Variants in RGMB observed in about 807,000 individuals in gnomAD.
RGMB encodes repulsive guidance molecule B.
A neutral mutation model predicts 26.9 loss-of-function variants in RGMB; 16 were observed. That is an observed-to-expected ratio of 0.60 (90% CI 0.40 to 0.90). The LOEUF (loss-of-function observed/expected upper bound fraction) is 0.90. Ranked by LOEUF, RGMB falls within the 40% of genes least tolerant of loss-of-function variation. RGMB has a pLI of 0.00. For synonymous variants in RGMB, 225 were observed against 229.3 expected (o/e 0.98, Z 0.17); for missense variants, 512 against 573.3 (o/e 0.89, Z 1.09).
rs1041475032 is a variant in RGMB at position 98,773,943 on chromosome 5, G to C, written c.-128G>C. ...GGTGGTGGCGCCCCATCTGCTACAC[G>C]GGCCTGAAGAAGGAAGAAGAGGAAG... On this transcript the variant is annotated 5_prime_UTR_variant, in exon 1 of 3. Coordinates refer to ENST00000513185, the MANE Select transcript of RGMB (RefSeq NM_001366508.1). 2.0e-5 allele frequency: 12 copies of C among 602,420 alleles called. No homozygotes were observed. Among genetic ancestry groups the C allele is most frequent in the East Asian group, 1.0e-4 (3 of 28,764 alleles). 37.3% of individuals were successfully genotyped at this position (602,420 alleles called of 1,614,324 possible).
chr5:98,780,064 A>T lies in RGMB; in HGVS notation c.621A>T (p.Gly207=), dbSNP rs745466294. 3.1e-6 allele frequency: 5 copies of T among 1,612,116 alleles called. No individual in the cohort carries two copies. Among genetic ancestry groups the T allele is most frequent in the Non-Finnish European group, 1.7e-6 (2 of 1,179,814 alleles). ...TGACAAACGTACCTGTGGTCCCTGG[A>T]TCCAGTGCTACTGCTACAAATAAGG... is the stretch of plus-strand genomic sequence containing the variant. ...VQVTNVPVVP[G]SSATATNKIT... is the part of the protein sequence containing the mutation. Residue 207 remains glycine, a synonymous_variant, in exon 2 of 3, where the codon GGA becomes GGT. Transcript: ENST00000513185.
At chr5:98,792,799 T>C (rs908810113) in intron 2 of RGMB, 4 of 216,946 alleles carry the variant, frequency 1.8e-5, no homozygotes, top group African/African-American at 2.3e-5. Flanking sequence ...AAAACCGATA[T>C]TCTGATAGCA....
intron 1 of RGMB, among the ~76,000 whole-genome samples, chr5:98,778,243 T>C (rs181759268): frequency 3.3e-5 from 5 of 152,336 alleles, no homozygotes; most frequent in African/African-American, 1.2e-4. Flanking sequence ...AATATTAGGC[T>C]AAATTTTAAG....
rs1365430545 is a variant in RGMB, at chr5:98,774,160, G to A, written c.90G>A (p.Leu30=). ...RRSPGLCPPP[L]ELLLLLLFSL... ...GCCCCGGGCTCTGCCCCCCGCCGCTGGAGCTGCTGCTGCTGCTGCTGTTCA... is the reference window on the plus strand; with the variant it reads ...GCCCCGGGCTCTGCCCCCCGCCGCTAGAGCTGCTGCTGCTGCTGCTGTTCA... Residue 30 remains leucine (L), a synonymous_variant, in exon 1 of 3, where the codon CTG becomes CTA. Coordinates refer to ENST00000513185, the MANE Select transcript of RGMB (RefSeq NM_001366508.1). 3 of 1,500,248 alleles carry A rather than the reference G, an allele frequency of 2.0e-6. No individual in the cohort carries two copies. The highest frequency in any genetic ancestry group is 2.9e-5 in the African/African-American group (2 of 68,922). 92.9% of individuals were successfully genotyped at this position (1,500,248 alleles called of 1,614,324 possible). A position where few individuals can be genotyped will look rare whatever the true frequency, so the allele number is the denominator to read the frequency against.
At chr5:98,772,724 C>A (rs900282243), upstream of RGMB, 1 of 152,134 alleles carries the variant, frequency 6.6e-6, no homozygotes, top group Admixed American at 6.5e-5. Context: ...CACTTTCGGA[C>A]CCATCCGATC....
upstream of RGMB, chr5:98,770,658 A>G: frequency 6.9e-7 from 1 of 1,456,492 alleles, no homozygotes; most frequent in Non-Finnish European, 9.1e-7. Flanking sequence ...CCAGGAGCGA[A>G]AGGGTTAAGA....
intron 1 of RGMB, among the ~76,000 whole-genome samples, chr5:98,775,686 C>T (rs1258848297): frequency 6.6e-6 from 1 of 152,112 alleles, no homozygotes; most frequent in Non-Finnish European, 1.5e-5. Flanking sequence ...TTTGCTAGCC[C>T]GTGAAAGGCA....
Position 98,773,722 on chromosome 5 carries a change from C to G in RGMB, c.-349C>G, listed in dbSNP as rs1191993043. ...AGGGCTGGGCCAGCCTCTTGGAGGT[C>G]CACGCCCGCCGAGCCCACGCTGGCT... On this transcript the variant is annotated 5_prime_UTR_variant, in exon 1 of 3. Coordinates refer to ENST00000513185, the MANE Select transcript of RGMB (RefSeq NM_001366508.1). The G allele has an allele frequency of 5.3e-6, 2 of 377,286 alleles. No individual in the cohort carries two copies. Among genetic ancestry groups the G allele is most frequent in the Admixed American group, 4.6e-5 (1 of 21,694 alleles). The allele number at this position is 377,286 out of a possible 1,614,324, so 23.4% of individuals were successfully genotyped here.
At chr5:98,774,431 C>A (rs768082796) in intron 1 of RGMB, among the ~76,000 whole-genome samples, 6 of 152,226 alleles carry the variant, frequency 3.9e-5, no homozygotes, top group Non-Finnish European at 8.8e-5. Context: ...TCCACCCTCC[C>A]CGCCTTCGGC....
At chr5:98,772,077 CTAA>C (rs1474280120), upstream of RGMB, among the ~76,000 whole-genome samples, 3 of 152,252 alleles carry the variant, frequency 2.0e-5, no homozygotes, top group Non-Finnish European at 2.9e-5. Flanking sequence ...AATTTTTGCT[CTAA>C]TAATACTTAG....
At chr5:98,792,706 C>T (rs901442701) in intron 2 of RGMB, among the ~76,000 whole-genome samples, 2 of 144,502 alleles carry the variant, frequency 1.4e-5, no homozygotes, top group Non-Finnish European at 3.0e-5. Flanking sequence ...AGGAGTTGAA[C>T]GTTGCAGTGA....
In RGMB at chr5:98,773,767, G is replaced by A. The variant is rs1407741403; in HGVS notation, c.-304G>A. ...CTGGCTGGGGCCGGGGTGCCGGCGC[G>A]CTCGGGACTCGTCTCAGCAGTCGCT... On this transcript the variant is annotated 5_prime_UTR_variant, in exon 1 of 3. Coordinates refer to ENST00000513185, the MANE Select transcript of RGMB (RefSeq NM_001366508.1). 2 of 386,424 alleles carry A rather than the reference G, an allele frequency of 5.2e-6. No individual in the cohort carries two copies. Among genetic ancestry groups the A allele is most frequent in the African/African-American group, 2.1e-5 (1 of 47,674 alleles). 23.9% of individuals were successfully genotyped at this position (386,424 alleles called of 1,614,324 possible). A position where few individuals can be genotyped will look rare whatever the true frequency, so the allele number is the denominator to read the frequency against.
intron 2 of RGMB, among the ~76,000 whole-genome samples, chr5:98,785,066 C>G (rs1359627408): frequency 6.6e-6 from 1 of 150,386 alleles, no homozygotes; most frequent in African/African-American, 2.5e-5. Context: ...ACCCTCCTTG[C>G]TTTATGAAGA....
chr5:98,781,421 T>C (rs758077816), intron 2 of RGMB, among the ~76,000 whole-genome samples: 24 of 152,228 alleles, frequency 1.6e-4, no homozygotes, highest in Non-Finnish European at 3.1e-4. Context: ...GGTTTTTGTA[T>C]GTACTCAAAT....
Position 98,773,762 on chromosome 5 carries a change from G to A in RGMB, c.-309G>A. Reference sequence around the variant, plus strand: ...CCACGCTGGCTGGGGCCGGGGTGCCGGCGCGCTCGGGACTCGTCTCAGCAG... The same window carrying A: ...CCACGCTGGCTGGGGCCGGGGTGCCAGCGCGCTCGGGACTCGTCTCAGCAG... On this transcript the variant is annotated 5_prime_UTR_variant, in exon 1 of 3. Coordinates refer to ENST00000513185, the MANE Select transcript of RGMB (RefSeq NM_001366508.1). 1 of 384,570 alleles carries A rather than the reference G, an allele frequency of 2.6e-6. No homozygotes were observed. Among genetic ancestry groups the A allele is most frequent in the Non-Finnish European group, 4.6e-6 (1 of 217,484 alleles). 23.8% of individuals were successfully genotyped at this position (384,570 alleles called of 1,614,324 possible).
chr5:98,770,669 A>G, upstream of RGMB: 1 of 1,467,534 alleles, frequency 6.8e-7, no homozygotes, highest in Admixed American at 2.3e-5. Context: ...AGGGTTAAGA[A>G]TGATGTAAGT....
upstream of RGMB, among the ~76,000 whole-genome samples, chr5:98,772,369 C>G (rs1009075517): frequency 6.6e-6 from 1 of 152,098 alleles, no homozygotes; most frequent in Non-Finnish European, 1.5e-5. Context: ...GAAGGTTTGC[C>G]CCTCAATTAT....
Position 98,793,370 on chromosome 5 carries a change from C to G in RGMB, c.931C>G (p.Leu311Val), listed in dbSNP as rs1206051372. 3.7e-6 allele frequency: 6 copies of G among 1,613,532 alleles called. No individual in the cohort carries two copies. The highest frequency in any genetic ancestry group is 5.1e-6 in the Non-Finnish European group (6 of 1,179,794). ...CTACGAGGAGAGCCAGGACCTGCAG[C>G]TGTGCGTGAACGGCTGCCCCCTGAG... The part of the protein sequence containing the change: ...MSYEESQDLQ[L>V]CVNGCPLSER... The change falls in exon 3 of 3, where the codon CTG becomes GTG. Residue 311 changes from leucine (L) to valine (V), a missense_variant. Coordinates refer to ENST00000513185, the MANE Select transcript of RGMB (RefSeq NM_001366508.1).
chr5:98,776,723 A>G (rs543207449), intron 1 of RGMB, among the ~76,000 whole-genome samples: 6 of 146,220 alleles, frequency 4.1e-5, no homozygotes, highest in African/African-American at 1.5e-4. Context: ...TAGCCAAAGC[A>G]AAAGAACCCC....
Sources: allele counts gnomAD v4.1 joint callset (sites outside exome capture counted in the v4.1 genomes callset), GRCh38; gene constraint gnomAD v4.1.1; transcripts MANE v1.5; gene names NCBI Gene and HGNC (gene_info 2026-07-23, HGNC 2026-07-21).